The following ZFYVE26 variants were observed in gnomAD, a reference collection of about 807,000 sequenced individuals.
ZFYVE26 encodes zinc finger FYVE domain-containing protein 26.
In ZFYVE26, 181 loss-of-function variants were observed where a neutral mutation model predicts 276.5. The ratio of observed to expected loss-of-function variants is 0.65; its 90% CI spans 0.58 to 0.74. The LOEUF (loss-of-function observed/expected upper bound fraction) is 0.74. Ranked by LOEUF, ZFYVE26 falls within the 30% of genes least tolerant of loss-of-function variation. The probability of loss-of-function intolerance (pLI) is 0.00; values close to 1 mark genes in which losing one functional copy is unlikely to be tolerated. For synonymous variants in ZFYVE26, 1,129 were observed against 1,203.1 expected, an observed-to-expected ratio of 0.94 and a Z score of 1.27; for missense variants, 2,821 against 3,097.9, an observed-to-expected ratio of 0.91 and a Z score of 2.12.
chr14:67,729,113 G>A, intron 14 of ZFYVE26: 2 of 1,423,582 alleles, frequency 1.4e-6, no homozygotes, highest in South Asian at 2.3e-5. Flanking sequence ...TCTCACTTGT[G>A]TATTTTGCTG....
rs1450048880 is a variant in ZFYVE26, at chr14:67,761,555, C to T, written c.6399G>A (p.Arg2133=). 1.9e-6 allele frequency: 3 copies of T among 1,614,020 alleles called. No homozygotes were observed. Among genetic ancestry groups the T allele is most frequent in the Non-Finnish European group, 2.5e-6 (3 of 1,180,036 alleles). ...LQDDDYFATL[R]ELEATLRTQS... ...GCGTCCGAAGGGTAGCTTCCAGTTCCCTCAGGGTGGCAAAGTAATCGTCAT... is the reference window on the plus strand; with the variant it reads ...GCGTCCGAAGGGTAGCTTCCAGTTCTCTCAGGGTGGCAAAGTAATCGTCAT... Residue 2133 remains arginine (R), a synonymous_variant, in exon 35 of 42, where the codon AGG becomes AGA. Transcript: ENST00000347230.
At position 67,754,202 on chromosome 14, in the gene ZFYVE26, T is replaced by C; in HGVS notation, c.6997A>G (p.Thr2333Ala). 2 of 1,614,206 alleles carry C rather than the reference T, an allele frequency of 1.2e-6. No homozygotes were observed. The highest frequency in any genetic ancestry group is 1.7e-6 in the Non-Finnish European group (2 of 1,180,042). ...GTCACTTCCATCTGCAGCTGAAGTG[T>C]GTTCATGTGCCTGTGGTGACAGAAT... The part of the protein sequence containing the change: ...TAADVSRHMN[T>A]LQLQMEVTRF... The change falls in exon 38 of 42, where the codon ACA becomes GCA. Residue 2333 changes from threonine to alanine, a missense_variant. Transcript: ENST00000347230.
In ZFYVE26 at chr14:67,762,293, T is replaced by C. The variant is rs1566868374; in HGVS notation, c.6279A>G (p.Pro2093=). 3.7e-6 allele frequency: 6 copies of C among 1,614,122 alleles called. No homozygotes were observed. Among genetic ancestry groups the C allele is most frequent in the East Asian group, 2.2e-5 (1 of 44,876 alleles). ...CATGATTCAGCTGATTGAGGTCAAA[T>C]GGGGGCTTCAGACAGCGACTGAACT... ...REKFSRCLKP[P]FDLNQLNHGS... is the part of the protein sequence containing the mutation. Residue 2093 remains proline, a synonymous_variant, in exon 34 of 42, where the codon CCA becomes CCG. Transcript: ENST00000347230.
chr14:67,737,107 T>C (rs868781988), intron 13 of ZFYVE26, among the ~76,000 whole-genome samples: 7 of 121,552 alleles, frequency 5.8e-5, no homozygotes, highest in South Asian at 2.5e-4. Context: ...TTTTTTTTTT[T>C]CGGTAGAGAC....
chr14:67,795,655 C>T (rs2039936455), intron 12 of ZFYVE26, among the ~76,000 whole-genome samples: 1 of 152,068 alleles, frequency 6.6e-6, no homozygotes, highest in Non-Finnish European at 1.5e-5. Flanking sequence ...AAGATCAACA[C>T]CAAAAGCCAT....
chr14:67,789,796 G>A (rs1194806330), intron 15 of ZFYVE26, among the ~76,000 whole-genome samples, 198 bp from the exon 16 acceptor site: 1 of 152,222 alleles, frequency 6.6e-6, no homozygotes, highest in African/African-American at 2.4e-5. Context: ...GAGACTCAGA[G>A]TGGTCCAGAT....
At chr14:67,756,262 T>A in intron 35 of ZFYVE26, 117 bp from the exon 36 acceptor site, 1 of 1,037,596 alleles carries the variant, frequency 9.6e-7, no homozygotes, top group Non-Finnish European at 1.5e-6. Flanking sequence ...ATGCAGTGCT[T>A]CTTAATCTTT....
intron 13 of ZFYVE26, among the ~76,000 whole-genome samples, chr14:67,732,361 C>G (rs2038290326): frequency 6.6e-6 from 1 of 150,926 alleles, no homozygotes; most frequent in South Asian, 2.1e-4. Context: ...TGGCTTCAGC[C>G]TGGGAGGTCA....
In ZFYVE26 at chr14:67,746,784, T is replaced by G. The variant is rs1363303991; in HGVS notation, c.*1652A>C. On this transcript the variant is annotated 3_prime_UTR_variant, in exon 42 of 42. Coordinates refer to ENST00000347230, the MANE Select transcript of ZFYVE26 (RefSeq NM_015346.4). ...ACCCATTAGTATAAAGTGCTTATGT[T>G]CAGTGCAAAAAAGGCAGACTCAGAA... The G allele has an allele frequency of 1.3e-5, 2 of 152,546 alleles. No homozygotes were observed. Among genetic ancestry groups the G allele is most frequent in the African/African-American group, 4.8e-5 (2 of 41,414 alleles). 9.4% of individuals were successfully genotyped at this position (152,546 alleles called of 1,614,324 possible). A position where few individuals can be genotyped will look rare whatever the true frequency, so the allele number is the denominator to read the frequency against.
chr14:67,792,913 C>CAAAAA (rs34041446), intron 14 of ZFYVE26, among the ~76,000 whole-genome samples: 83 of 56,526 alleles, frequency 1.5e-3, no homozygotes, highest in Non-Finnish European at 1.8e-3. Context: ...AAATCTGTCT[C>CAAAAA]AAAAAAAAAA....
intron 34 of ZFYVE26, chr14:67,761,950 T>C (rs2038941829): frequency 1.8e-6 from 1 of 570,850 alleles, no homozygotes; most frequent in Non-Finnish European, 3.1e-6. Flanking sequence ...GTGTATGGGA[T>C]TATATGTCAT....
In ZFYVE26 at chr14:67,810,212, C is replaced by G. The variant is rs183039724; in HGVS notation, c.274-923G>C. On this transcript the variant is annotated intron_variant, in intron 3 of 41. Coordinates refer to ENST00000347230, the MANE Select transcript of ZFYVE26 (RefSeq NM_015346.4). ...TGTTCATTTCATTAACCTTTTTTGT[C>G]ACTTGAGGTCTTTCCCCAAGAATCT... Among the ~76,000 whole-genome samples the G allele has an allele frequency of 1.8e-3, 270 of 152,250 alleles. 1 individual carries two copies. Among genetic ancestry groups the G allele is most frequent in the Admixed American group, 3.9e-3 (59 of 15,286 alleles).
chr14:67,798,746 T>A, intron 10 of ZFYVE26, 124 bp from the exon 11 acceptor site: 1 of 1,268,952 alleles, frequency 7.9e-7, no homozygotes, highest in Non-Finnish European at 1.1e-6. Context: ...ATTTTTTAAT[T>A]ATAAGGGAAC....
chr14:67,780,703 T>C (rs1594910472), intron 22 of ZFYVE26, among the ~76,000 whole-genome samples: 1 of 152,300 alleles, frequency 6.6e-6, no homozygotes, highest in East Asian at 1.9e-4. Context: ...TGGGATCACC[T>C]TTCATACAAC....
Position 67,805,262 on chromosome 14 carries a change from A to G in ZFYVE26, c.1226T>C (p.Leu409Ser). ...DELLRDACDG[L>S]WAHLEVLEWC... ...CTCCAGGACCTCCAGGTGAGCCCAC[A>G]ACCCATCACAGGCATCCCTGAGGAG... The change falls in exon 8 of 42, where the codon TTG (leucine) becomes TCG (serine). Residue 409 changes from leucine to serine, a missense_variant. Transcript: ENST00000347230. The G allele has an allele frequency of 6.2e-7, 1 of 1,614,138 alleles. No individual in the cohort carries two copies. Among genetic ancestry groups the G allele is most frequent in the Admixed American group, 1.7e-5 (1 of 60,022 alleles).
chr14:67,740,786 T>C (rs1415169071), intron 13 of ZFYVE26, among the ~76,000 whole-genome samples: 4 of 152,060 alleles, frequency 2.6e-5, no homozygotes, highest in Non-Finnish European at 1.5e-5. Context: ...CAGGCGCCTG[T>C]AATCCCAGCT....
chr14:67,753,886 G>A, intron 38 of ZFYVE26, 120 bp from the exon 39 acceptor site: 1 of 1,483,932 alleles, frequency 6.7e-7, no homozygotes, highest in South Asian at 1.1e-5. Flanking sequence ...ACCCTGCTAA[G>A]TGCCAGGCAC....
chr14:67,807,255 C>A (rs1020227428), intron 5 of ZFYVE26, 143 bp downstream of exon 5: 3 of 1,083,390 alleles, frequency 2.8e-6, no homozygotes, highest in Admixed American at 2.2e-5. Context: ...TGTACTTTTA[C>A]GAAAGAGCAT....
At position 67,762,355 on chromosome 14, in the gene ZFYVE26, A is replaced by T; in HGVS notation, c.6217T>A (p.Cys2073Ser). 1 of 1,614,234 alleles carries T rather than the reference A, an allele frequency of 6.2e-7. No homozygotes were observed. The highest frequency in any genetic ancestry group is 8.5e-7 in the Non-Finnish European group (1 of 1,180,036). The change falls in exon 34 of 42, where the codon TGC (cysteine) becomes AGC (serine). Residue 2073 changes from cysteine to serine, a missense_variant. Cys to Ser is a moderately radical substitution (Grantham distance 112). Transcript: ENST00000347230. ...TGAWHAWGMA[C>S]LKAGNLTAAR... ...GCAGTGAGGTTCCCGGCTTTGAGGCAGGCCATGCCCCAAGCATGCCACGCC... is the reference window on the plus strand; with the variant it reads ...GCAGTGAGGTTCCCGGCTTTGAGGCTGGCCATGCCCCAAGCATGCCACGCC...
Sources: gnomAD v4.1 joint callset for allele counts (sites outside exome capture counted in the v4.1 genomes callset) on GRCh38, gnomAD v4.1.1 for gene constraint, MANE v1.5 for transcripts, NCBI Gene and HGNC (gene_info 2026-07-23, HGNC 2026-07-21) for gene names.